Variants in SUGCT observed in about 807,000 individuals in gnomAD.
SUGCT encodes succinyl-CoA:glutarate CoA-transferase.
Under a neutral mutation model 55.0 loss-of-function variants are expected in SUGCT, and 41 were observed. The observed-to-expected ratio is 0.74, with a 90% CI of 0.58 to 0.97. The LOEUF (loss-of-function observed/expected upper bound fraction) is 0.97. Ranked by LOEUF, SUGCT falls within the 50% of genes least tolerant of loss-of-function variation. The pLI is 0.00. For missense variants in SUGCT, 568 were observed against 547.8 expected, an observed-to-expected ratio of 1.04 and a Z score of -0.37; for synonymous variants, 187 against 200.4, an observed-to-expected ratio of 0.93 and a Z score of 0.56.
chr7:40,620,504 C>T (rs184852975), intron 12 of SUGCT, among the ~76,000 whole-genome samples: 120 of 152,002 alleles, frequency 7.9e-4, no homozygotes, highest in Non-Finnish European at 1.5e-3. Flanking sequence ...TGGGTTCAGG[C>T]GATTCTCCCT....
At chr7:40,662,721 A>G (rs1360934815) in intron 12 of SUGCT, among the ~76,000 whole-genome samples, 1 of 152,186 alleles carries the variant, frequency 6.6e-6, no homozygotes, top group Non-Finnish European at 1.5e-5. Flanking sequence ...AAGAACTTCC[A>G]CTTTGCATCA....
intron 9 of SUGCT, among the ~76,000 whole-genome samples, chr7:40,377,968 T>C (rs1224066324): frequency 6.6e-6 from 1 of 152,186 alleles, no homozygotes; most frequent in Admixed American, 6.6e-5. Flanking sequence ...TTAACCTTAT[T>C]GATGGTCTGT....
At position 40,327,610 on chromosome 7, in the gene SUGCT, G is replaced by C. The variant is rs559127651; in HGVS notation, c.816+10755G>C. Among the ~76,000 whole-genome samples, 5 of 152,260 alleles carry C rather than the reference G, an allele frequency of 3.3e-5. No homozygotes were observed. In the South Asian group the frequency reaches 1.0e-3, roughly 31 times the overall value. On this transcript the variant is annotated intron_variant, in intron 9 of 13. Coordinates refer to ENST00000335693, the MANE Select transcript of SUGCT (RefSeq NM_001193313.2). Reference sequence around the variant, plus strand: ...TGTTTCGCTAAGAGGTAAAATAGAAGGTGGTGCAAGGAAAGTAAAAGTAGT... The same window carrying C: ...TGTTTCGCTAAGAGGTAAAATAGAACGTGGTGCAAGGAAAGTAAAAGTAGT...
intron 9 of SUGCT, among the ~76,000 whole-genome samples, chr7:40,410,146 A>G (rs1786593920): frequency 6.6e-6 from 1 of 152,184 alleles, no homozygotes; most frequent in Non-Finnish European, 1.5e-5. Flanking sequence ...TGTATTATAT[A>G]TATGTCATAA....
At chr7:40,217,532 T>G (rs1209507987) in intron 6 of SUGCT, 1 of 383,952 alleles carries the variant, frequency 2.6e-6, no homozygotes, top group Admixed American at 2.9e-5. Context: ...ATTATCGTTG[T>G]CTCCACACCT....
the SUGCT span, among the ~76,000 whole-genome samples, chr7:40,907,140 T>TGAGAGA: frequency 3.4e-5 from 1 of 29,136 alleles, no homozygotes; most frequent in East Asian, 9.9e-4. Flanking sequence ...TGTGTGTGTG[T>TGAGAGA]GAGAGAGAGA....
chr7:40,292,931 T>A (rs145700308), intron 8 of SUGCT, among the ~76,000 whole-genome samples: 22 of 152,298 alleles, frequency 1.4e-4, no homozygotes, highest in African/African-American at 5.3e-4. Flanking sequence ...CTGTTGCAGA[T>A]TGGTATGTAA....
intron 13 of SUGCT, among the ~76,000 whole-genome samples, chr7:40,792,528 G>A (rs567791228): frequency 2.0e-5 from 3 of 152,092 alleles, no homozygotes; most frequent in Non-Finnish European, 4.4e-5. Context: ...CCTATTAATT[G>A]CCATGAAGAA....
chr7:40,566,617 A>G (rs1241158586), intron 12 of SUGCT, among the ~76,000 whole-genome samples: 2 of 152,184 alleles, frequency 1.3e-5, no homozygotes, highest in African/African-American at 4.8e-5. Context: ...AGACCTTAAA[A>G]ATCTTTATTA....
At chr7:40,562,669 C>T (rs1426705652) in intron 12 of SUGCT, among the ~76,000 whole-genome samples, 2 of 151,920 alleles carry the variant, frequency 1.3e-5, no homozygotes, top group African/African-American at 4.8e-5. Context: ...ATGGTAAGGG[C>T]CTGACCTAAA....
At chr7:40,666,392 A>AAGG in intron 12 of SUGCT, among the ~76,000 whole-genome samples, 1 of 147,836 alleles carries the variant, frequency 6.8e-6, no homozygotes, top group African/African-American at 2.5e-5. Context: ...GGAAGGAAGG[A>AAGG]AAGAAAGAAA....
chr7:40,564,357 C>A (rs1796013691), intron 12 of SUGCT, among the ~76,000 whole-genome samples: 1 of 152,132 alleles, frequency 6.6e-6, no homozygotes, highest in Admixed American at 6.5e-5. Flanking sequence ...GCCTGGGCGA[C>A]CTGGGCGACA....
chr7:40,449,501 A>G (rs1174952302), intron 10 of SUGCT, 143 bp downstream of exon 10: 2 of 614,964 alleles, frequency 3.3e-6, no homozygotes, highest in African/African-American at 3.7e-5. Flanking sequence ...GATAAGGCAG[A>G]GTCCAAATTA....
chr7:40,981,218 G>GAAGT, the SUGCT span, among the ~76,000 whole-genome samples: 1 of 152,180 alleles, frequency 6.6e-6, no homozygotes, highest in Non-Finnish European at 1.5e-5. Flanking sequence ...CAGCCCTGAT[G>GAAGT]AAGTCTGAAT....
At chr7:40,499,008 C>T (rs188463201) in intron 12 of SUGCT, 83 of 442,220 alleles carry the variant, frequency 1.9e-4, no homozygotes, top group African/African-American at 1.5e-3. Context: ...GTATGATTTC[C>T]GTTTAAGGTA....
At chr7:40,763,901 A>G (rs1218637447) in intron 13 of SUGCT, among the ~76,000 whole-genome samples, 1 of 152,062 alleles carries the variant, frequency 6.6e-6, no homozygotes, top group Non-Finnish European at 1.5e-5. Context: ...GAAGGGGGGA[A>G]TGGGGCCAAT....
chr7:40,170,858 T>G lies in SUGCT; in HGVS notation c.101-10089T>G, dbSNP rs374261736. Among the ~76,000 whole-genome samples, 92 of 152,296 alleles carry G rather than the reference T, an allele frequency of 6.0e-4. 2 individuals are homozygous for G. The South Asian group carries it at 0.018, about 29-fold the overall frequency. Reference sequence around the variant, plus strand: ...CTTACTGATGTAGCAGTCCTGCACCTCTTTTCCTGCCTCTCTTGACCACAG... The same window carrying G: ...CTTACTGATGTAGCAGTCCTGCACCGCTTTTCCTGCCTCTCTTGACCACAG... On this transcript the variant is annotated intron_variant, in intron 1 of 13. Coordinates refer to ENST00000335693, the MANE Select transcript of SUGCT (RefSeq NM_001193313.2).
chr7:40,701,545 G>A (rs139703063), intron 12 of SUGCT, among the ~76,000 whole-genome samples: 119 of 152,286 alleles, frequency 7.8e-4, no homozygotes, highest in African/African-American at 2.8e-3. Context: ...TTTTCCAGGC[G>A]ATCCCATGGG....
chr7:40,540,730 G>A (rs1794626210), intron 12 of SUGCT, among the ~76,000 whole-genome samples: 1 of 152,272 alleles, frequency 6.6e-6, no homozygotes, highest in South Asian at 2.1e-4. Context: ...AGTGAATAAT[G>A]AAGTGAGTGT....
Sources: allele counts gnomAD v4.1 joint callset (sites outside exome capture counted in the v4.1 genomes callset), GRCh38; gene constraint gnomAD v4.1.1; transcripts MANE v1.5; gene names NCBI Gene and HGNC (gene_info 2026-07-23, HGNC 2026-07-21).